Variants in LEPR observed in about 807,000 individuals in gnomAD.
LEPR encodes the protein OB receptor.
Under a neutral mutation model 114.7 loss-of-function variants are expected in LEPR, and 56 were observed. That is an observed-to-expected ratio of 0.49 (90% confidence interval 0.39 to 0.61). The LOEUF is 0.61. LEPR is among the 20% of genes least tolerant of loss of function. The probability of loss-of-function intolerance (pLI) is 0.00; values close to 1 mark genes in which losing one functional copy is unlikely to be tolerated. For synonymous variants in LEPR, 443 were observed against 461.4 expected (o/e 0.96, Z 0.51); for missense variants, 1,202 against 1,352.9 (o/e 0.89, Z 1.75).
intron 5 of LEPR, among the ~76,000 whole-genome samples, chr1:65,574,992 G>T (rs973305969): frequency 1.2e-4 from 19 of 152,170 alleles, no homozygotes; most frequent in Non-Finnish European, 2.6e-4. Context: ...TCCTCATTCA[G>T]TTGATGGGGG....
rs926488081 is a variant in LEPR at position 65,608,832 on chromosome 1, A to G, written c.1683A>G (p.Pro561=). The G allele has an allele frequency of 1.6e-5, 26 of 1,613,714 alleles. No individual in the cohort carries two copies. Among genetic ancestry groups the G allele is most frequent in the Non-Finnish European group, 2.2e-5 (26 of 1,179,866 alleles). ...TATTGAAAATATCTTGGGAAAAGCC[A>G]GTCTTTCCAGAGAATAACCTTCAAT... ...IGLLKISWEK[P]VFPENNLQFQ... Residue 561 remains proline (P), a synonymous_variant, in exon 12 of 20, where the codon CCA becomes CCG. Coordinates refer to ENST00000349533, the MANE Select transcript of LEPR (RefSeq NM_002303.6).
At chr1:65,603,532 C>A (rs1656597643) in intron 10 of LEPR, among the ~76,000 whole-genome samples, 1 of 152,148 alleles carries the variant, frequency 6.6e-6, no homozygotes, top group Admixed American at 6.5e-5. Context: ...GTATTCAGAG[C>A]AAACATTGGC....
chr1:65,467,083 T>A (rs571227735), intron 2 of LEPR, among the ~76,000 whole-genome samples: 3 of 152,160 alleles, frequency 2.0e-5, no homozygotes, highest in East Asian at 1.9e-4. Context: ...TGGCAAGGAG[T>A]TATGTTCCTT....
chr1:65,496,605 T>C (rs1244871362), intron 2 of LEPR, among the ~76,000 whole-genome samples: 1 of 152,116 alleles, frequency 6.6e-6, no homozygotes, highest in Non-Finnish European at 1.5e-5. Context: ...CACTTTTACT[T>C]TAGAATTGTT....
At chr1:65,616,434 C>G (rs188659451) in intron 15 of LEPR, among the ~76,000 whole-genome samples, 1 of 152,046 alleles carries the variant, frequency 6.6e-6, no homozygotes, top group Non-Finnish European at 1.5e-5. Flanking sequence ...TTTGGGAGAA[C>G]ATTGTTGTAA....
chr1:65,487,006 T>A (rs1240303282), intron 2 of LEPR, among the ~76,000 whole-genome samples: 3 of 152,272 alleles, frequency 2.0e-5, no homozygotes, highest in African/African-American at 7.2e-5. Context: ...TACCACTCTA[T>A]AAAACAGTTT....
chr1:65,621,915 G>A (rs1657909349), intron 18 of LEPR, among the ~76,000 whole-genome samples: 1 of 152,040 alleles, frequency 6.6e-6, no homozygotes, highest in South Asian at 2.1e-4. Context: ...CCAGCTGGAT[G>A]GGGAGGGTTA....
intron 1 of LEPR, among the ~76,000 whole-genome samples, chr1:65,422,456 G>C (rs1173056801): frequency 6.6e-6 from 1 of 152,218 alleles, no homozygotes; most frequent in African/African-American, 2.4e-5. Context: ...CCAGCCTCCA[G>C]AACTGTCAGA....
chr1:65,632,474 GTTC>G (rs1011810285), intron 19 of LEPR, among the ~76,000 whole-genome samples: 3 of 152,098 alleles, frequency 2.0e-5, no homozygotes, highest in African/African-American at 7.2e-5. Flanking sequence ...CAAAGAACAT[GTTC>G]TTCTGCCTAT....
At chr1:65,509,148 CTTCT>C (rs1308274236) in intron 2 of LEPR, among the ~76,000 whole-genome samples, 1 of 152,110 alleles carries the variant, frequency 6.6e-6, no homozygotes, top group Admixed American at 6.6e-5. Flanking sequence ...GATAATTTTA[CTTCT>C]TTCTTTCCAA....
chr1:65,517,280 A>G (rs1440292968), intron 2 of LEPR, among the ~76,000 whole-genome samples: 1 of 152,238 alleles, frequency 6.6e-6, no homozygotes, highest in Non-Finnish European at 1.5e-5. Flanking sequence ...CAAATGCACC[A>G]TAAGCTGTGA....
chr1:65,568,574 T>C (rs998286902), intron 3 of LEPR, among the ~76,000 whole-genome samples: 7 of 151,998 alleles, frequency 4.6e-5, no homozygotes, highest in Admixed American at 3.3e-4. Flanking sequence ...CAGTCATTCA[T>C]TGAGGGACAC....
chr1:65,434,652 C>T, intron 2 of LEPR: 9 of 985,400 alleles, frequency 9.1e-6, no homozygotes, highest in Non-Finnish European at 1.1e-5. Flanking sequence ...GTGCAACTTT[C>T]CACCCCTTTT....
chr1:65,567,318 T>G (rs1057403246), intron 3 of LEPR, among the ~76,000 whole-genome samples: 1 of 152,230 alleles, frequency 6.6e-6, no homozygotes, highest in Non-Finnish European at 1.5e-5. Flanking sequence ...TTCAAGCAAC[T>G]GAATCCTCTA....
intron 2 of LEPR, among the ~76,000 whole-genome samples, chr1:65,475,475 G>A (rs1006953071): frequency 1.3e-5 from 2 of 152,286 alleles, no homozygotes; most frequent in Non-Finnish European, 2.9e-5. Context: ...TCATCCTTAT[G>A]GTGGTATCCT....
Position 65,557,236 on chromosome 1 carries a change from T to G in LEPR, c.-20-8310T>G, listed in dbSNP as rs12401698. Among the ~76,000 whole-genome samples, 456 of 152,328 alleles carry G rather than the reference T, an allele frequency of 3.0e-3. 14 individuals are homozygous for G. The highest frequency in any genetic ancestry group is 0.024 in the Admixed American group (368 of 15,302). ...TTCTCCTAAACTGTTCATTTCATTT[T>G]AACTACTCAGAATTTATAATTGAAC... On this transcript the variant is annotated intron_variant, in intron 2 of 19. Coordinates refer to ENST00000349533, the MANE Select transcript of LEPR (RefSeq NM_002303.6).
intron 2 of LEPR, among the ~76,000 whole-genome samples, chr1:65,527,243 G>T (rs1422659802): frequency 6.6e-6 from 1 of 152,176 alleles, no homozygotes; most frequent in Non-Finnish European, 1.5e-5. Context: ...TTGGTTTCAG[G>T]TCACTTCTGA....
At chr1:65,526,290 C>T in intron 2 of LEPR, 2 of 985,308 alleles carry the variant, frequency 2.0e-6, no homozygotes, top group Non-Finnish European at 2.4e-6. Flanking sequence ...TTGTTTCCCA[C>T]CTCCCCCCTT....
chr1:65,570,699 T>G lies in LEPR; in HGVS notation c.267T>G (p.Cys89Trp). The G allele has an allele frequency of 6.2e-7, 1 of 1,613,762 alleles. No individual in the cohort carries two copies. Among genetic ancestry groups the G allele is most frequent in the Non-Finnish European group, 8.5e-7 (1 of 1,179,740 alleles). The change falls in exon 4 of 20, where the codon TGT becomes TGG. Residue 89 changes from cysteine (C) to tryptophan (W), a missense_variant. By Grantham distance (215) the Cys-to-Trp change is radical (BLOSUM62 -2). Transcript: ENST00000349533. ...FSNLSKTTFH[C>W]CFRSEQDRNC... The stretch of plus-strand genomic sequence containing the variant: ...ACTTATCCAAAACAACTTTCCACTG[T>G]TGCTTTCGGAGTGAGCAAGATAGAA...
Sources: allele counts gnomAD v4.1 joint callset (sites outside exome capture counted in the v4.1 genomes callset), GRCh38; gene constraint gnomAD v4.1.1; transcripts MANE v1.5; gene names NCBI Gene and HGNC (gene_info 2026-07-23, HGNC 2026-07-21).